THRB: variants seen among roughly 807,000 people sequenced by gnomAD.
THRB encodes nuclear receptor subfamily 1 group A member 2.
In THRB, 12 loss-of-function variants were observed where a neutral mutation model predicts 47.8. The observed-to-expected ratio is 0.25, with a 90% CI of 0.16 to 0.41. THRB has a LOEUF of 0.41. THRB is among the 10% of genes least tolerant of loss of function. The pLI is 1.00. For missense variants in THRB, 348 were observed against 589.2 expected (o/e 0.59, Z 4.24); for synonymous variants, 218 against 212.2 (o/e 1.03, Z -0.24).
chr3:24,140,061 C>T (rs1396715181), intron 8 of THRB, among the ~76,000 whole-genome samples: 1 of 152,206 alleles, frequency 6.6e-6, no homozygotes, highest in Non-Finnish European at 1.5e-5. Context: ...GCAAAGCTGT[C>T]TTTAAGTAAA....
At chr3:24,306,286 T>G (rs548607161) in intron 2 of THRB, among the ~76,000 whole-genome samples, 1 of 152,332 alleles carries the variant, frequency 6.6e-6, no homozygotes, top group Non-Finnish European at 1.5e-5. Flanking sequence ...ATGCCAGGCC[T>G]GCGCTGGAAA....
intron 4 of THRB, among the ~76,000 whole-genome samples, chr3:24,200,910 A>G (rs1447708172): frequency 1.3e-5 from 2 of 152,214 alleles, no homozygotes; most frequent in Non-Finnish European, 2.9e-5. Context: ...TACACCAAAA[A>G]CATATTTTAT....
intron 1 of THRB, among the ~76,000 whole-genome samples, chr3:24,338,880 C>T (rs903862191): frequency 6.6e-6 from 1 of 152,206 alleles, no homozygotes; most frequent in African/African-American, 2.4e-5. Context: ...TCTCTCTGCA[C>T]CGCCCATTTC....
At chr3:24,455,009 A>T (rs1403696116) in intron 1 of THRB, 1 of 151,836 alleles carries the variant, frequency 6.6e-6, no homozygotes, top group East Asian at 1.9e-4. Flanking sequence ...GACAAGGATG[A>T]AGTCTACACA....
intron 1 of THRB, among the ~76,000 whole-genome samples, chr3:24,350,828 G>C (rs988929209): frequency 1.3e-5 from 2 of 152,032 alleles, no homozygotes; most frequent in Non-Finnish European, 2.9e-5. Context: ...GTTTATTTAA[G>C]GTAATTTCTT....
At chr3:24,339,517 C>T (rs2062488435) in intron 1 of THRB, among the ~76,000 whole-genome samples, 1 of 152,134 alleles carries the variant, frequency 6.6e-6, no homozygotes, top group African/African-American at 2.4e-5. Context: ...TGATTGAGAA[C>T]AGATTTAGGT....
chr3:24,160,906 T>C (rs1486292748), intron 5 of THRB, among the ~76,000 whole-genome samples: 1 of 152,252 alleles, frequency 6.6e-6, no homozygotes, highest in African/African-American at 2.4e-5. Context: ...CATTTGCTCA[T>C]AATGCTTTGG....
chr3:24,124,442 T>C (rs899172388), intron 10 of THRB, among the ~76,000 whole-genome samples: 1 of 151,174 alleles, frequency 6.6e-6, no homozygotes, highest in Non-Finnish European at 1.5e-5. Flanking sequence ...ATCAACATAT[T>C]ATTGCTTTGG....
chr3:24,245,357 A>G (rs1044143884), intron 3 of THRB, among the ~76,000 whole-genome samples: 3 of 152,142 alleles, frequency 2.0e-5, no homozygotes, highest in Admixed American at 2.0e-4. Context: ...GCTGGGTGCC[A>G]TGATGGGTGC....
chr3:24,468,183 A>G lies in THRB; in HGVS notation c.-261+26469T>C, dbSNP rs543956957. Among the ~76,000 whole-genome samples the G allele has an allele frequency of 2.4e-4, 37 of 152,326 alleles. 1 individual carries two copies. In the South Asian group the frequency reaches 7.5e-3, roughly 31 times the overall value. On this transcript the variant is annotated intron_variant, in intron 1 of 10. Coordinates refer to ENST00000646209, the MANE Select transcript of THRB (RefSeq NM_001354712.2). The stretch of plus-strand genomic sequence containing the variant: ...AGCTTTCTTACCTCTCTCAGCCTTC[A>G]TGGAATTAAGAAAGTTAGGGCTTTG...
chr3:24,315,089 G>C (rs1040092791), intron 2 of THRB, among the ~76,000 whole-genome samples: 16 of 152,228 alleles, frequency 1.1e-4, no homozygotes, highest in Non-Finnish European at 1.6e-4. Context: ...GGACAAGTAC[G>C]TTTCTGTAAT....
intron 1 of THRB, among the ~76,000 whole-genome samples, chr3:24,411,957 T>C (rs1251929450): frequency 6.6e-6 from 1 of 151,546 alleles, no homozygotes; most frequent in Non-Finnish European, 1.5e-5. Context: ...CCTGAAAGAG[T>C]TTGTGTCAAA....
At chr3:24,492,657 C>T (rs1046450044) in intron 1 of THRB, among the ~76,000 whole-genome samples, 5 of 152,144 alleles carry the variant, frequency 3.3e-5, no homozygotes, top group African/African-American at 9.7e-5. Context: ...GCTTTTAAGG[C>T]GATTTTAAGA....
chr3:24,295,559 C>T (rs530359186), intron 3 of THRB, among the ~76,000 whole-genome samples: 1 of 152,266 alleles, frequency 6.6e-6, no homozygotes, highest in East Asian at 1.9e-4. Context: ...AATTATTGTG[C>T]CAGGAGTTTT....
intron 1 of THRB, among the ~76,000 whole-genome samples, chr3:24,481,099 T>C (rs536998406): frequency 1.3e-5 from 2 of 152,234 alleles, no homozygotes; most frequent in East Asian, 3.9e-4. Context: ...AATCATCAGA[T>C]TGTGGATTTT....
intron 4 of THRB, among the ~76,000 whole-genome samples, chr3:24,201,972 TATTCTC>T (rs1371183504): frequency 6.6e-6 from 1 of 152,212 alleles, no homozygotes; most frequent in Non-Finnish European, 1.5e-5. Context: ...AGTAGACTGT[TATTCTC>T]ATTTTTTGTA....
chr3:24,312,032 A>G (rs2057792589), intron 2 of THRB, among the ~76,000 whole-genome samples: 1 of 152,176 alleles, frequency 6.6e-6, no homozygotes, highest in Non-Finnish European at 1.5e-5. Context: ...GTTCCATGAA[A>G]GTGTCATGTT....
At chr3:24,448,139 C>G (rs1471780656) in intron 1 of THRB, among the ~76,000 whole-genome samples, 1 of 152,060 alleles carries the variant, frequency 6.6e-6, no homozygotes, top group Admixed American at 6.6e-5. Context: ...ATTTGCAGAG[C>G]ACTGACCCCT....
chr3:24,139,370 CTTTCTT>C (rs2035127135), intron 8 of THRB, among the ~76,000 whole-genome samples: 1 of 140,826 alleles, frequency 7.1e-6, no homozygotes, highest in Non-Finnish European at 1.5e-5. Flanking sequence ...TTCTTTCTTT[CTTTCTT>C]TTTCTTTTCT....
Sources: allele counts gnomAD v4.1 joint callset (sites outside exome capture counted in the v4.1 genomes callset), GRCh38; gene constraint gnomAD v4.1.1; transcripts MANE v1.5; gene names NCBI Gene and HGNC (gene_info 2026-07-23, HGNC 2026-07-21).